The following SLC34A3 variants were observed in gnomAD, a reference collection of about 807,000 sequenced individuals.
The protein encoded by SLC34A3 is solute carrier family 34 member 3, also known as sodium-dependent phosphate transport protein 2C.
Under a neutral mutation model 43.9 loss-of-function variants are expected in SLC34A3, and 60 were observed. The observed-to-expected ratio is 1.37, with a 90% CI of 1.11 to 1.70. The LOEUF (loss-of-function observed/expected upper bound fraction) is 1.70, where lower values mean the gene tolerates loss of function less well. Ranked by LOEUF, SLC34A3 falls within the 40% of genes most tolerant of loss-of-function variation. The pLI, the probability that SLC34A3 is intolerant of heterozygous loss-of-function variation, is 0.00. For synonymous variants in SLC34A3, 451 were observed against 386.2 expected (o/e 1.17, Z -1.97); for missense variants, 969 against 823.8 (o/e 1.18, Z -2.16).
In SLC34A3 at chr9:137,234,789, C is replaced by T; in HGVS notation, c.1335+58C>T. 1.3e-6 allele frequency: 2 copies of T among 1,598,534 alleles called. No individual in the cohort carries two copies. Among genetic ancestry groups the T allele is most frequent in the South Asian group, 2.2e-5 (2 of 90,960 alleles). On this transcript the variant is annotated intron_variant, in intron 12 of 12. Coordinates refer to ENST00000673835, the MANE Select transcript of SLC34A3 (RefSeq NM_001177316.2). The surrounding 1 kb of genome is among the most constrained non-coding windows in gnomAD (Gnocchi z 6.9). ...GCCAGCTTCCTCTCAGCCCCACAGA[C>T]AGGAGTGTGTCACCAGCCCCGGGGC...
rs372398389 is a variant in SLC34A3, at chr9:137,236,275, C to T, written c.1659C>T (p.Pro553=). 109 of 1,543,806 alleles carry T rather than the reference C, an allele frequency of 7.1e-5. No individual in the cohort carries two copies. Among genetic ancestry groups the T allele is most frequent in the Non-Finnish European group, 8.2e-5 (94 of 1,147,162 alleles). The change falls in exon 13 of 13, where the codon CCC becomes CCT. Residue 553 remains proline (P), a synonymous_variant. Coordinates refer to ENST00000673835, the MANE Select transcript of SLC34A3 (RefSeq NM_001177316.2). ...GCCTGCGCTCCTGGGCCTGGCTCCC[C>T]GTCTGGCTCCATTCTCTGGAGCCCT... is the stretch of plus-strand genomic sequence containing the variant. ...PVRLRSWAWL[P]VWLHSLEPWD...
chr9:137,231,732 C>T lies in SLC34A3; in HGVS notation c.30C>T (p.Val10=). ...CGAGTTCCCTTCCCGGCAGCCAGGTCCCCCACCCCACTCTGGACGCGGTTG... is the reference window on the plus strand; with the variant it reads ...CGAGTTCCCTTCCCGGCAGCCAGGTTCCCCACCCCACTCTGGACGCGGTTG... MPSSLPGSQ[V]PHPTLDAVDL... Residue 10 remains valine, a synonymous_variant, in exon 2 of 13, where the codon GTC becomes GTT. Transcript: ENST00000673835. 6.2e-7 allele frequency: 1 copy of T among 1,613,106 alleles called. No individual in the cohort carries two copies. Among genetic ancestry groups the T allele is most frequent in the Non-Finnish European group, 8.5e-7 (1 of 1,179,934 alleles).
In SLC34A3 at chr9:137,233,195, C is replaced by G. The variant is rs1252515740; in HGVS notation, c.561-14C>G. 1.3e-6 allele frequency: 2 copies of G among 1,570,374 alleles called. No individual in the cohort carries two copies. The highest frequency in any genetic ancestry group is 8.6e-7 in the Non-Finnish European group (1 of 1,158,608). On this transcript the variant is annotated splice_polypyrimidine_tract_variant and intron_variant, in intron 6 of 12. Coordinates refer to ENST00000673835, the MANE Select transcript of SLC34A3 (RefSeq NM_001177316.2). ...GCCCCCCCACCTGACCCTGCCCACT[C>G]TCTGCGGCCACAGGGCTTTCAGCGG...
chr9:137,231,846 C>T (rs950396422), intron 2 of SLC34A3, 59 bp downstream of exon 2: 1 of 1,452,548 alleles, frequency 6.9e-7, no homozygotes, highest in African/African-American at 1.4e-5. Flanking sequence ...CCCCCAGGCA[C>T]TGGGCAGAGA....
chr9:137,233,389 A>G lies in SLC34A3; in HGVS notation c.741A>G (p.Thr247=), dbSNP rs1836364053. 1.2e-6 allele frequency: 2 copies of G among 1,604,500 alleles called. No homozygotes were observed. The highest frequency in any genetic ancestry group is 2.2e-5 in the East Asian group (1 of 44,548). Residue 247 remains threonine, a synonymous_variant, in exon 7 of 13, where the codon ACA becomes ACG. Transcript: ENST00000673835. ...DILKVLTKPL[T]HLIVQLDSDM... ...TCAAGGTGCTGACGAAGCCGCTCAC[A>G]CACCTCATCGTGCAGGTGAGGACGG... is the stretch of plus-strand genomic sequence containing the variant.
rs547692335 is a variant in SLC34A3 at position 137,234,544 on chromosome 9, G to T, written c.1210+12G>T. ...CGTGCCCCTCATGGGTGAGCAGGCA[G>T]GACAGAGGCCTCGGGAACGGGGGCT... is the stretch of plus-strand genomic sequence containing the variant. On this transcript the variant is annotated intron_variant, in intron 11 of 12. Transcript: ENST00000673835. The surrounding 1 kb of genome is among the most constrained non-coding windows in gnomAD (Gnocchi z 6.9). 6.2e-7 allele frequency: 1 copy of T among 1,609,006 alleles called. No individual in the cohort carries two copies. Among genetic ancestry groups the T allele is most frequent in the African/African-American group, 1.3e-5 (1 of 74,992 alleles).
chr9:137,231,630 G>A (rs991635291), intron 1 of SLC34A3, 34 bp from the exon 2 acceptor site: 40 of 1,314,640 alleles, frequency 3.0e-5, no homozygotes, highest in Admixed American at 8.4e-5. Flanking sequence ...GGGGCAGGAG[G>A]AAATGTCTCT....
Position 137,234,030 on chromosome 9 carries a change from G to C in SLC34A3, c.926-79G>C, listed in dbSNP as rs754665784. 1 of 1,514,040 alleles carries C rather than the reference G, an allele frequency of 6.6e-7. No homozygotes were observed. Among genetic ancestry groups the C allele is most frequent in the South Asian group, 1.2e-5 (1 of 83,228 alleles). 93.8% of individuals were successfully genotyped at this position (1,514,040 alleles called of 1,614,324 possible). A position where few individuals can be genotyped will look rare whatever the true frequency, so the allele number is the denominator to read the frequency against. On this transcript the variant is annotated intron_variant, in intron 9 of 12. Transcript: ENST00000673835. This position sits in a 1 kb window ranked among gnomAD's most constrained non-coding sequence, Gnocchi z 6.9. ...GGAGAGGAACAGCACAGCCCCGGCG[G>C]ACAGGCTGCCCTGTGAGGCCCGGCC...
Position 137,233,897 on chromosome 9 carries a change from C to T in SLC34A3, c.881C>T (p.Pro294Leu), listed in dbSNP as rs775344679. Residue 294 changes from proline (P) to leucine (L), a missense_variant, in exon 9 of 13, where the codon CCG becomes CTG. Physicochemically the swap from Pro to Leu is moderately conservative, Grantham distance 98. Transcript: ENST00000673835. ...AACAGCAGCTGTGGCGCCTTCGGCC[C>T]GTGCACAGAGAAGAACAGCACAGCC... ...QENSSCGAFG[P>L]CTEKNSTAPA... The T allele has an allele frequency of 1.1e-5, 18 of 1,607,124 alleles. No individual in the cohort carries two copies. The highest frequency in any genetic ancestry group is 1.1e-4 in the East Asian group (5 of 44,682).
At position 137,234,140 on chromosome 9, in the gene SLC34A3, G is replaced by C. The variant is rs774385997; in HGVS notation, c.957G>C (p.Thr319=). The C allele has an allele frequency of 6.3e-7, 1 of 1,592,988 alleles. No individual in the cohort carries two copies. Among genetic ancestry groups the C allele is most frequent in the Admixed American group, 1.7e-5 (1 of 58,944 alleles). ...CRHLFAGTEL[T]DLAVGCILLA... is the part of the protein sequence containing the mutation. ...ACCTGTTTGCGGGCACGGAGCTCAC[G>C]GACCTGGCCGTGGGCTGCATCCTGC... is the stretch of plus-strand genomic sequence containing the variant. Residue 319 remains threonine, a synonymous_variant, in exon 10 of 13, where the codon ACG becomes ACC. Coordinates refer to ENST00000673835, the MANE Select transcript of SLC34A3 (RefSeq NM_001177316.2). This position sits in a 1 kb window ranked among gnomAD's most constrained non-coding sequence, Gnocchi z 6.9.
rs1032310429 is a variant in SLC34A3 at position 137,236,508 on chromosome 9, G to T, written c.*92G>T. The stretch of plus-strand genomic sequence containing the variant: ...GGGGTCCCCGCGGCAGCTGACCTCC[G>T]GTCACCTGCTTCCCCTTCTGTGCAA... On this transcript the variant is annotated 3_prime_UTR_variant, in exon 13 of 13. Transcript: ENST00000673835. 4.8e-6 allele frequency: 5 copies of T among 1,041,698 alleles called. No homozygotes were observed. Among genetic ancestry groups the T allele is most frequent in the Non-Finnish European group, 7.2e-6 (5 of 698,204 alleles). 64.5% of individuals were successfully genotyped at this position (1,041,698 alleles called of 1,614,324 possible).
rs145877051 is a variant in SLC34A3 at position 137,233,357 on chromosome 9, G to A, written c.709G>A (p.Asp237Asn). ...ASLTPRAQAP[D>N]ILKVLTKPLT... ...CCTGACACCCAGGGCGCAGGCGCCC[G>A]ACATCCTCAAGGTGCTGACGAAGCC... is the stretch of plus-strand genomic sequence containing the variant. The change falls in exon 7 of 13, where the codon GAC (aspartate) becomes AAC (asparagine). Residue 237 changes from aspartate to asparagine, a missense_variant. Asp to Asn is a conservative substitution (Grantham distance 23, BLOSUM62 1). Coordinates refer to ENST00000673835, the MANE Select transcript of SLC34A3 (RefSeq NM_001177316.2). The A allele has an allele frequency of 1.6e-3, 2,544 of 1,606,484 alleles. 6 individuals are homozygous for A. The highest frequency in any genetic ancestry group is 1.9e-3 in the Non-Finnish European group (2,182 of 1,177,712).
Position 137,233,271 on chromosome 9 carries a change from C to A in SLC34A3, c.623C>A (p.Pro208Gln). The change falls in exon 7 of 13, where the codon CCA becomes CAA. Residue 208 changes from proline (P) to glutamine (Q), a missense_variant. Transcript: ENST00000673835. ...FNWLTVLVLL[P>Q]LESATALLER... ...TGGCTCACAGTGCTGGTCCTGCTGC[C>A]ACTGGAGAGCGCCACGGCCCTGCTG... 1 of 1,583,874 alleles carries A rather than the reference C, an allele frequency of 6.3e-7. No individual in the cohort carries two copies. The highest frequency in any genetic ancestry group is 8.6e-7 in the Non-Finnish European group (1 of 1,165,180).
At position 137,233,218 on chromosome 9, in the gene SLC34A3, C is replaced by G; in HGVS notation, c.570C>G (p.Ser190Arg). 6.4e-7 allele frequency: 1 copy of G among 1,573,926 alleles called. No individual in the cohort carries two copies. Among genetic ancestry groups the G allele is most frequent in the Non-Finnish European group, 8.6e-7 (1 of 1,160,118 alleles). The stretch of plus-strand genomic sequence containing the variant: ...CTCTCTGCGGCCACAGGGCTTTCAG[C>G]GGCTCGGCGGTGCACGGGATCTTCA... ...GDRDEFQRAF[S>R]GSAVHGIFNW... The change falls in exon 7 of 13, where the codon AGC (serine) becomes AGG (arginine). Residue 190 changes from serine to arginine, a missense_variant. Ser to Arg is a moderately radical substitution (Grantham distance 110). Coordinates refer to ENST00000673835, the MANE Select transcript of SLC34A3 (RefSeq NM_001177316.2).
upstream of SLC34A3, among the ~76,000 whole-genome samples, chr9:137,230,153 G>A (rs915771067): frequency 6.6e-6 from 1 of 152,118 alleles, no homozygotes; most frequent in South Asian, 2.1e-4. Flanking sequence ...GGCAGGAAGA[G>A]GCCCAGTCCT....
rs202071967 is a variant in SLC34A3 at position 137,234,549 on chromosome 9, G to A, written c.1210+17G>A. 1,079 of 1,609,316 alleles carry A rather than the reference G, an allele frequency of 6.7e-4. 5 individuals are homozygous for A. The African/African-American group carries it at 0.013, about 19-fold the overall frequency. On this transcript the variant is annotated intron_variant, in intron 11 of 12. Coordinates refer to ENST00000673835, the MANE Select transcript of SLC34A3 (RefSeq NM_001177316.2). This position sits in a 1 kb window ranked among gnomAD's most constrained non-coding sequence, Gnocchi z 6.9. ...CCCTCATGGGTGAGCAGGCAGGACA[G>A]AGGCCTCGGGAACGGGGGCTCGGGC...
At chr9:137,235,891 CGGGGCCCCT>C in intron 12 of SLC34A3, 52 bp from the exon 13 acceptor site, 1 of 1,516,842 alleles carries the variant, frequency 6.6e-7, no homozygotes. Flanking sequence ...GGCAGGGGTC[CGGGGCCCCT>C]GGTGACCCCA....
rs1024161075 is a variant in SLC34A3 at position 137,232,488 on chromosome 9, G to A, written c.176-87G>A. On this transcript the variant is annotated intron_variant, in intron 3 of 12. Coordinates refer to ENST00000673835, the MANE Select transcript of SLC34A3 (RefSeq NM_001177316.2). The stretch of plus-strand genomic sequence containing the variant: ...GGACCCAGCCCTGTTGGAGACAGAG[G>A]AGAGAGGGGGCAGAGAATGAGGGGC... 64 of 1,562,192 alleles carry A rather than the reference G, an allele frequency of 4.1e-5. 1 individual carries two copies. The South Asian group carries it at 4.2e-4, about 10-fold the overall frequency.
intron 12 of SLC34A3, 145 bp from the exon 13 acceptor site, chr9:137,235,807 C>T (rs771173528): frequency 1.6e-4 from 118 of 750,534 alleles, no homozygotes; most frequent in Non-Finnish European, 2.4e-4. Context: ...CCACAGCCCG[C>T]CTCCCAGACG....
Sources: gnomAD v4.1 joint callset for allele counts (sites outside exome capture counted in the v4.1 genomes callset) on GRCh38, gnomAD v4.1.1 for gene constraint, Gnocchi (gnomAD v3.1) non-coding constraint, MANE v1.5 for transcripts, NCBI Gene and HGNC (gene_info 2026-07-23, HGNC 2026-07-21) for gene names.